STPG2: variants seen among roughly 807,000 people sequenced by gnomAD.
STPG2 encodes the protein sperm tail PG-rich repeat containing 2, also known as sperm-tail PG-rich repeat-containing protein 2.
STPG2 carries 56 observed loss-of-function variants against 54.2 expected under a neutral mutation model. That is an observed-to-expected ratio of 1.03 (90% CI 0.83 to 1.29). The LOEUF (loss-of-function observed/expected upper bound fraction) is 1.29. Ranked by LOEUF, STPG2 falls within the 50% of genes most tolerant of loss-of-function variation. STPG2 has a pLI of 0.00. For synonymous variants in STPG2, 200 were observed against 181.8 expected (o/e 1.10, Z -0.81); for missense variants, 596 against 544.9 (o/e 1.09, Z -0.93).
intron 5 of STPG2, among the ~76,000 whole-genome samples, chr4:98,024,913 A>C (rs111380827): frequency 0.013 from 1,774 of 139,386 alleles, 29 homozygotes; most frequent in African/African-American, 0.043. Context: ...CTATGTAAAT[A>C]TTAATTCAAG....
chr4:97,827,969 A>T (rs1357198278), intron 9 of STPG2, among the ~76,000 whole-genome samples: 2 of 152,178 alleles, frequency 1.3e-5, no homozygotes, highest in Non-Finnish European at 2.9e-5. Context: ...ATTTAAGGGT[A>T]CAAACCCATG....
chr4:97,702,560 G>T (rs916914870), intron 10 of STPG2, among the ~76,000 whole-genome samples: 5 of 152,112 alleles, frequency 3.3e-5, no homozygotes, highest in African/African-American at 1.2e-4. Flanking sequence ...CCTGGCAACT[G>T]TCTCACCGGA....
intron 5 of STPG2, among the ~76,000 whole-genome samples, chr4:98,101,864 T>TCCCCC (rs140638030): frequency 1.3e-4 from 18 of 143,874 alleles, no homozygotes; most frequent in Non-Finnish European, 2.0e-4. Flanking sequence ...TTTCATTATC[T>TCCCCC]TCCCCCTCCC....
chr4:97,850,987 T>G (rs1156376032), intron 8 of STPG2, among the ~76,000 whole-genome samples: 1 of 152,210 alleles, frequency 6.6e-6, no homozygotes, highest in Non-Finnish European at 1.5e-5. Flanking sequence ...ACTATCTTTG[T>G]CAAAAGCTTT....
intron 10 of STPG2, among the ~76,000 whole-genome samples, chr4:97,635,135 G>T (rs867211540): frequency 6.6e-6 from 1 of 151,958 alleles, no homozygotes; most frequent in African/African-American, 2.4e-5. Context: ...GACTAACAGC[G>T]GATCTCTCAG....
At chr4:97,787,364 GC>G (rs1726858910) in intron 9 of STPG2, among the ~76,000 whole-genome samples, 1 of 151,998 alleles carries the variant, frequency 6.6e-6, no homozygotes, top group African/African-American at 2.4e-5. Flanking sequence ...TCTGTTAAAT[GC>G]CTTTTTCGCC....
At chr4:97,645,269 C>T (rs560705223) in intron 10 of STPG2, among the ~76,000 whole-genome samples, 7 of 149,308 alleles carry the variant, frequency 4.7e-5, no homozygotes, top group African/African-American at 1.7e-4. Context: ...TGCTACATGG[C>T]AGCTGCTGAC....
chr4:97,654,465 A>G (rs1269390382), intron 10 of STPG2, among the ~76,000 whole-genome samples: 4 of 152,054 alleles, frequency 2.6e-5, no homozygotes, highest in African/African-American at 9.7e-5. Context: ...CAATCCGACA[A>G]TTCCACTTCC....
intron 9 of STPG2, among the ~76,000 whole-genome samples, chr4:97,763,975 G>A (rs550419268): frequency 5.9e-5 from 9 of 151,632 alleles, no homozygotes; most frequent in Admixed American, 4.0e-4. Context: ...TCCTCATCTT[G>A]CACCACTTTC....
intron 10 of STPG2, among the ~76,000 whole-genome samples, chr4:97,618,911 T>C (rs1170626277): frequency 6.6e-6 from 1 of 152,184 alleles, no homozygotes; most frequent in Non-Finnish European, 1.5e-5. Flanking sequence ...GGTGTAAATT[T>C]CTATCTTCAT....
chr4:97,942,538 ATGC>A (rs1277598970), intron 8 of STPG2, among the ~76,000 whole-genome samples: 2 of 152,092 alleles, frequency 1.3e-5, no homozygotes, highest in Non-Finnish European at 2.9e-5. Flanking sequence ...ATAGAACCTG[ATGC>A]TGATTTTGAC....
intron 9 of STPG2, among the ~76,000 whole-genome samples, chr4:97,743,254 T>C (rs1725323554): frequency 6.6e-6 from 1 of 151,718 alleles, no homozygotes; most frequent in Non-Finnish European, 1.5e-5. Context: ...GGTTAGTTTA[T>C]TATTCTCCAC....
At chr4:97,581,294 C>T (rs1476834859) in intron 10 of STPG2, among the ~76,000 whole-genome samples, 4 of 152,056 alleles carry the variant, frequency 2.6e-5, no homozygotes, top group Admixed American at 2.6e-4. Flanking sequence ...CAAGCTTGGG[C>T]AGTTAGCACT....
intron 10 of STPG2, among the ~76,000 whole-genome samples, chr4:97,623,164 G>A (rs1387195813): frequency 2.6e-5 from 4 of 151,908 alleles, no homozygotes; most frequent in Non-Finnish European, 4.4e-5. Flanking sequence ...TAAAAACTCT[G>A]GAAAATAACC....
chr4:97,566,151 T>G (rs1424107895), intron 10 of STPG2, among the ~76,000 whole-genome samples: 1 of 152,092 alleles, frequency 6.6e-6, no homozygotes, highest in East Asian at 1.9e-4. Flanking sequence ...CGGGTGCCTC[T>G]CCCCCAGCCT....
intron 7 of STPG2, among the ~76,000 whole-genome samples, chr4:97,947,911 G>A (rs977593100): frequency 1.3e-5 from 2 of 151,964 alleles, no homozygotes; most frequent in Non-Finnish European, 2.9e-5. Context: ...GGGTAACACT[G>A]GCTTAACAGA....
At chr4:97,868,873 T>C (rs1729883891) in intron 8 of STPG2, among the ~76,000 whole-genome samples, 1 of 151,952 alleles carries the variant, frequency 6.6e-6, no homozygotes, top group African/African-American at 2.4e-5. Context: ...TTTTAAAAGG[T>C]CATCCTTACA....
intron 9 of STPG2, among the ~76,000 whole-genome samples, chr4:97,806,898 A>G (rs1236179220): frequency 1.3e-5 from 2 of 152,162 alleles, no homozygotes; most frequent in African/African-American, 4.8e-5. Flanking sequence ...ATGAACCAAG[A>G]CAACTTCTGA....
At chr4:97,465,509 A>G (rs1219825661) in intron 4 of STPG2, among the ~76,000 whole-genome samples, 1 of 152,044 alleles carries the variant, frequency 6.6e-6, no homozygotes, top group Non-Finnish European at 1.5e-5. Context: ...TCATTTGTTT[A>G]ATCATATGAA....
Sources: gnomAD v4.1 joint callset for allele counts (sites outside exome capture counted in the v4.1 genomes callset) on GRCh38, gnomAD v4.1.1 for gene constraint, MANE v1.5 for transcripts, NCBI Gene and HGNC (gene_info 2026-07-23, HGNC 2026-07-21) for gene names.